PTPRD: variants seen among roughly 807,000 people sequenced by gnomAD.
PTPRD encodes protein tyrosine phosphatase receptor type D, also known as receptor-type tyrosine-protein phosphatase delta.
Under a neutral mutation model 214.5 loss-of-function variants are expected in PTPRD, and 34 were observed. The observed-to-expected ratio is 0.16, with a 90% CI of 0.12 to 0.21. The LOEUF is 0.21. Ranked by LOEUF, PTPRD falls within the 10% of genes least tolerant of loss-of-function variation. The pLI is 1.00. For missense variants in PTPRD, 2,545 were observed against 2,398.7 expected, an observed-to-expected ratio of 1.06 and a Z score of -1.27; for synonymous variants, 1,128 against 845.7, an observed-to-expected ratio of 1.33 and a Z score of -5.79.
chr9:9,408,815 A>G lies in PTPRD; in HGVS notation c.-236-11333T>C, dbSNP rs1365473398. 2.6e-5 allele frequency among the ~76,000 whole-genome samples: 4 copies of G among 151,916 alleles called. No homozygotes were observed. In the East Asian group the frequency reaches 7.7e-4, roughly 29 times the overall value. ...AAACATCCCTCATACTGTCTGGCAC[A>G]AAGTGCGTTCTCAGTAATCATATTT... On this transcript the variant is annotated intron_variant, in intron 8 of 45. Coordinates refer to ENST00000381196, the MANE Select transcript of PTPRD (RefSeq NM_002839.4).
chr9:10,593,544 G>A (rs979487131), intron 2 of PTPRD, among the ~76,000 whole-genome samples: 1 of 151,944 alleles, frequency 6.6e-6, no homozygotes, highest in African/African-American at 2.4e-5. Flanking sequence ...GAAGAGATTA[G>A]GGATTTTGAA....
At chr9:8,784,729 T>C (rs965424101) in intron 11 of PTPRD, among the ~76,000 whole-genome samples, 4 of 152,178 alleles carry the variant, frequency 2.6e-5, no homozygotes, top group African/African-American at 9.6e-5. Flanking sequence ...CAAATTTCTC[T>C]ACATCCACAT....
At chr9:8,976,540 G>C (rs1247804210) in intron 11 of PTPRD, among the ~76,000 whole-genome samples, 1 of 152,062 alleles carries the variant, frequency 6.6e-6, no homozygotes, top group Non-Finnish European at 1.5e-5. Flanking sequence ...ACAAGTATTT[G>C]TTTAATCTGG....
rs146072823 is a variant in PTPRD at position 10,325,867 on chromosome 9, G to A, written c.-545+15096C>T. ...TAGTAACAATTTTGTAAAAGAATAA[G>A]GATAATTTTTCATTAGTTTAACTGA... On this transcript the variant is annotated intron_variant, in intron 3 of 45. Coordinates refer to ENST00000381196, the MANE Select transcript of PTPRD (RefSeq NM_002839.4). Among the ~76,000 whole-genome samples, 1,314 of 151,674 alleles carry A rather than the reference G, an allele frequency of 8.7e-3. 20 individuals carry two copies. Among genetic ancestry groups the A allele is most frequent in the African/African-American group, 0.03 (1,246 of 41,432 alleles).
intron 12 of PTPRD, among the ~76,000 whole-genome samples, chr9:8,727,089 G>T (rs1020096256): frequency 1.1e-4 from 17 of 152,112 alleles, no homozygotes; most frequent in Admixed American, 3.9e-4. Flanking sequence ...CACAACAGTA[G>T]AATCAAATAC....
chr9:10,275,873 G>C (rs146625682), intron 3 of PTPRD, among the ~76,000 whole-genome samples: 10 of 152,278 alleles, frequency 6.6e-5, no homozygotes, highest in African/African-American at 2.2e-4. Flanking sequence ...TGAAATGAAA[G>C]AAGAGAAACT....
chr9:8,909,184 G>A lies in PTPRD; in HGVS notation c.-104+109513C>T, dbSNP rs145217248. Among the ~76,000 whole-genome samples, 31 of 151,898 alleles carry A rather than the reference G, an allele frequency of 2.0e-4. No individual in the cohort carries two copies. In the East Asian group the frequency reaches 6.0e-3, roughly 29 times the overall value. ...CCCAAGATCACATTGTTTCCCTAGT[G>A]AATTATATCAATTCACCATTTTTAC... is the stretch of plus-strand genomic sequence containing the variant. On this transcript the variant is annotated intron_variant, in intron 11 of 45. Coordinates refer to ENST00000381196, the MANE Select transcript of PTPRD (RefSeq NM_002839.4).
chr9:9,460,059 G>T (rs1296728935), intron 8 of PTPRD, among the ~76,000 whole-genome samples: 1 of 151,890 alleles, frequency 6.6e-6, no homozygotes, highest in Non-Finnish European at 1.5e-5. Flanking sequence ...CAACCATCTG[G>T]TCTTTGACAA....
At chr9:9,689,235 A>G (rs1222362330) in intron 7 of PTPRD, among the ~76,000 whole-genome samples, 1 of 151,854 alleles carries the variant, frequency 6.6e-6, no homozygotes, top group Non-Finnish European at 1.5e-5. Flanking sequence ...AATCAGTAAA[A>G]TAATTCCACA....
chr9:9,442,635 G>A (rs1325553636), intron 8 of PTPRD, among the ~76,000 whole-genome samples: 2 of 152,168 alleles, frequency 1.3e-5, no homozygotes, highest in Non-Finnish European at 2.9e-5. Flanking sequence ...ATTTATCTGT[G>A]CATGTGAGTT....
Position 10,486,906 on chromosome 9 carries a change from AAATCTC to A in PTPRD, c.-600+125486_-600+125491del, listed in dbSNP as rs1205469218. Among the ~76,000 whole-genome samples, 72 of 152,184 alleles carry A rather than the reference AAATCTC, an allele frequency of 4.7e-4. 2 individuals carry two copies. Among genetic ancestry groups the A allele is most frequent in the Non-Finnish European group, 2.2e-4 (15 of 68,020 alleles). On this transcript the variant is annotated intron_variant, in intron 2 of 45. Coordinates refer to ENST00000381196, the MANE Select transcript of PTPRD (RefSeq NM_002839.4). ...GTCCCATGTTGAATATGTGGTGTTG[AAATCTC>A]CAGCTATTATTTTATTGGGGCCTAC...
At chr9:10,504,488 G>C (rs1172170845) in intron 2 of PTPRD, among the ~76,000 whole-genome samples, 2 of 152,104 alleles carry the variant, frequency 1.3e-5, no homozygotes, top group Non-Finnish European at 1.5e-5. Flanking sequence ...TGGACATTTA[G>C]AAACTTTTGG....
chr9:9,895,580 C>T (rs1220445964), intron 5 of PTPRD, among the ~76,000 whole-genome samples: 1 of 151,876 alleles, frequency 6.6e-6, no homozygotes, highest in African/African-American at 2.4e-5. Flanking sequence ...TAACCAGAAT[C>T]CACGATGGTT....
chr9:8,924,024 G>A (rs932787719), intron 11 of PTPRD, among the ~76,000 whole-genome samples: 8 of 152,132 alleles, frequency 5.3e-5, no homozygotes, highest in African/African-American at 1.9e-4. Flanking sequence ...TTTACAAAAA[G>A]AAGGCAGTCA....
chr9:8,915,067 C>T (rs956612472), intron 11 of PTPRD, among the ~76,000 whole-genome samples: 2 of 152,068 alleles, frequency 1.3e-5, no homozygotes, highest in African/African-American at 4.8e-5. Context: ...TAAGAAAGCT[C>T]TCTAAGAGAG....
chr9:9,897,763 T>G (rs1601400286), intron 5 of PTPRD, among the ~76,000 whole-genome samples: 1 of 152,252 alleles, frequency 6.6e-6, no homozygotes, highest in Non-Finnish European at 1.5e-5. Context: ...TATGAGCATT[T>G]TATTTTAAAC....
rs1248921007 is a variant in PTPRD at position 9,099,733 on chromosome 9, C to CT, written c.-142-80999dup. ...CGCTGTGTAATGGAAGTGAGGATTA[C>CT]TTTTTTATGGCCCATGGTTTCTATG... On this transcript the variant is annotated intron_variant, in intron 10 of 45. Transcript: ENST00000381196. 2.0e-5 allele frequency among the ~76,000 whole-genome samples: 3 copies of CT among 152,118 alleles called. No individual in the cohort carries two copies. In the East Asian group the frequency reaches 5.8e-4, roughly 29 times the overall value.
At position 8,485,794 on chromosome 9, in the gene PTPRD, C is replaced by A; in HGVS notation, c.3023G>T (p.Ser1008Ile). The A allele has an allele frequency of 6.2e-7, 1 of 1,613,702 alleles. No individual in the cohort carries two copies. The highest frequency in any genetic ancestry group is 8.5e-7 in the Non-Finnish European group (1 of 1,179,958). The change falls in exon 28 of 46, where the codon AGT (serine) becomes ATT (isoleucine). Residue 1008 changes from serine to isoleucine, a missense_variant. By Grantham distance (142) the Ser-to-Ile change is moderately radical. Transcript: ENST00000381196. ...CACAGGCAGTGTCCTGAACTGGACA[C>A]TGGGACTATATGGCCCGGGCCCTTT... ...TSKGPGPYSPSVQFRTLPVDQ... is the reference protein window; with the variant it reads ...TSKGPGPYSPIVQFRTLPVDQ...
At chr9:10,480,564 G>A (rs1182883404) in intron 2 of PTPRD, among the ~76,000 whole-genome samples, 1 of 151,738 alleles carries the variant, frequency 6.6e-6, no homozygotes. Context: ...AAGAAAGAAA[G>A]CATGCAAAAG....
Sources: allele counts gnomAD v4.1 joint callset (sites outside exome capture counted in the v4.1 genomes callset), GRCh38; gene constraint gnomAD v4.1.1; transcripts MANE v1.5; gene names NCBI Gene and HGNC (gene_info 2026-07-23, HGNC 2026-07-21).